Variants in TMEM106B observed in about 807,000 individuals in gnomAD.
The protein encoded by TMEM106B is transmembrane protein 106B.
TMEM106B carries 15 observed loss-of-function variants against 31.1 expected under a neutral mutation model. The ratio of observed to expected loss-of-function variants is 0.48; its 90% confidence interval spans 0.32 to 0.74. TMEM106B has a LOEUF of 0.74. TMEM106B is among the 30% of genes least tolerant of loss of function. The pLI, the probability that TMEM106B is intolerant of heterozygous loss-of-function variation, is 0.03. For synonymous variants in TMEM106B, 126 were observed against 112.5 expected, an observed-to-expected ratio of 1.12 and a Z score of -0.76; for missense variants, 283 against 327.3, an observed-to-expected ratio of 0.86 and a Z score of 1.04.
At chr7:12,231,526 CT>C in intron 7 of TMEM106B, 8 of 259,954 alleles carry the variant, frequency 3.1e-5, no homozygotes, top group Non-Finnish European at 5.0e-5. Flanking sequence ...TTTGATTAAC[CT>C]TTTTTTCTAT....
At chr7:12,223,872 C>T (rs1781839993) in intron 3 of TMEM106B, among the ~76,000 whole-genome samples, 1 of 151,976 alleles carries the variant, frequency 6.6e-6, no homozygotes, top group Non-Finnish European at 1.5e-5. Context: ...AGGCGCACAC[C>T]ACCACACCTG....
chr7:12,234,711 T>G lies in TMEM106B; in HGVS notation c.*2736T>G, dbSNP rs1378694695. 6.6e-6 allele frequency: 1 copy of G among 151,938 alleles called. No homozygotes were observed. The highest frequency in any genetic ancestry group is 1.5e-5 in the Non-Finnish European group (1 of 67,830). The allele number at this position is 151,938 out of a possible 1,614,324, so 9.4% of individuals were successfully genotyped here. A position where few individuals can be genotyped will look rare whatever the true frequency, so the allele number is the denominator to read the frequency against. ...GATACTTCCTGGAATAACTTTAAGT[T>G]ACACCCTAGTAGACTGGTCATTCTA... On this transcript the variant is annotated 3_prime_UTR_variant, in exon 8 of 8. Coordinates refer to ENST00000396668, the MANE Select transcript of TMEM106B (RefSeq NM_001134232.2).
At chr7:12,213,341 C>T (rs917655644) in intron 1 of TMEM106B, among the ~76,000 whole-genome samples, 1 of 151,634 alleles carries the variant, frequency 6.6e-6, no homozygotes, top group Non-Finnish European at 1.5e-5. Context: ...ATTGTTGTTG[C>T]GAGTGTTTAA....
In TMEM106B at chr7:12,224,306, T is replaced by C. The variant is rs1362541599; in HGVS notation, c.362T>C (p.Ile121Thr). The C allele has an allele frequency of 6.2e-7, 1 of 1,614,158 alleles. No individual in the cohort carries two copies. Among genetic ancestry groups the C allele is most frequent in the Non-Finnish European group, 8.5e-7 (1 of 1,180,000 alleles). ...GTGTTTTTCCTTTTCCCTCGCTCTA[T>C]CGACGTGAAATACATTGGTGTAAAA... Reference protein sequence around the residue: ...LAVFFLFPRSIDVKYIGVKSA... With the variant: ...LAVFFLFPRSTDVKYIGVKSA... Residue 121 changes from isoleucine (I) to threonine (T), a missense_variant, in exon 4 of 8, where the codon ATC becomes ACC. Coordinates refer to ENST00000396668, the MANE Select transcript of TMEM106B (RefSeq NM_001134232.2).
At position 12,242,726 on chromosome 7, in the gene TMEM106B, C is replaced by T. The variant is rs556050180; in HGVS notation, c.*10751C>T. The stretch of plus-strand genomic sequence containing the variant: ...ACTTTCAAAACATAACCTTCTTCAA[C>T]GAGTATCTTCTTTTCCTTCCTAAAA... On this transcript the variant is annotated 3_prime_UTR_variant, in exon 8 of 8. Coordinates refer to ENST00000396668, the MANE Select transcript of TMEM106B (RefSeq NM_001134232.2). The T allele has an allele frequency of 9.9e-5, 15 of 152,032 alleles. No homozygotes were observed. The highest frequency in any genetic ancestry group is 2.2e-4 in the African/African-American group (9 of 41,396). 9.4% of individuals were successfully genotyped at this position (152,032 alleles called of 1,614,324 possible). A position where few individuals can be genotyped will look rare whatever the true frequency, so the allele number is the denominator to read the frequency against.
rs188294100 is a variant in TMEM106B, at chr7:12,229,462, T to A, written c.442-217T>A. On this transcript the variant is annotated intron_variant, in intron 4 of 7. Transcript: ENST00000396668. ...TATTCTGAAGCTATACATTTTGTTT[T>A]TTTTAAATACTGAATTATGTTTTTA... Among the ~76,000 whole-genome samples the A allele has an allele frequency of 1.1e-3, 169 of 152,332 alleles. 1 individual carries two copies. Among genetic ancestry groups the A allele is most frequent in the Non-Finnish European group, 1.2e-3 (85 of 68,024 alleles).
intron 3 of TMEM106B, among the ~76,000 whole-genome samples, chr7:12,221,472 A>G (rs1446930536): frequency 6.6e-6 from 1 of 152,174 alleles, no homozygotes; most frequent in African/African-American, 2.4e-5. Flanking sequence ...AAGAAATTGA[A>G]TTTTCCACTT....
At chr7:12,217,707 G>A (rs775497714) in intron 2 of TMEM106B, among the ~76,000 whole-genome samples, 2 of 152,156 alleles carry the variant, frequency 1.3e-5, no homozygotes, top group Non-Finnish European at 2.9e-5. Context: ...GGGGAGCACA[G>A]ATGAGAGGAA....
chr7:12,212,168 G>C (rs536993941), intron 1 of TMEM106B, among the ~76,000 whole-genome samples: 1 of 152,312 alleles, frequency 6.6e-6, no homozygotes, highest in African/African-American at 2.4e-5. Context: ...GATTAGGACA[G>C]AAAACAGGCT....
intron 4 of TMEM106B, among the ~76,000 whole-genome samples, chr7:12,229,030 CTTTTA>C (rs1212288587): frequency 6.6e-6 from 1 of 151,776 alleles, no homozygotes; most frequent in African/African-American, 2.4e-5. Flanking sequence ...ACAAATATTT[CTTTTA>C]TTTATCATTT....
intron 4 of TMEM106B, among the ~76,000 whole-genome samples, chr7:12,225,629 A>G (rs575883248): frequency 4.2e-4 from 64 of 152,172 alleles, no homozygotes; most frequent in Non-Finnish European, 5.9e-4. Flanking sequence ...AGTGATGATG[A>G]GCATTTTTTC....
In TMEM106B at chr7:12,240,920, A is replaced by G. The variant is rs889255998; in HGVS notation, c.*8945A>G. ...GTGATAACTTACTGAGTGTGATTCA[A>G]CAAAACTGCTTTGGTTTATGGGTGA... is the stretch of plus-strand genomic sequence containing the variant. On this transcript the variant is annotated 3_prime_UTR_variant, in exon 8 of 8. Coordinates refer to ENST00000396668, the MANE Select transcript of TMEM106B (RefSeq NM_001134232.2). 3 of 152,182 alleles carry G rather than the reference A, an allele frequency of 2.0e-5. No individual in the cohort carries two copies. The highest frequency in any genetic ancestry group is 4.4e-5 in the Non-Finnish European group (3 of 68,028). The allele number at this position is 152,182 out of a possible 1,614,324, so 9.4% of individuals were successfully genotyped here.
chr7:12,230,631 T>G (rs1050305389), intron 6 of TMEM106B, 193 bp downstream of exon 6: 3 of 418,180 alleles, frequency 7.2e-6, no homozygotes, highest in African/African-American at 6.2e-5. Context: ...ACATAAAATT[T>G]GTTTTTTTAT....
intron 4 of TMEM106B, among the ~76,000 whole-genome samples, chr7:12,226,846 A>G (rs540768398): frequency 6.6e-6 from 1 of 152,310 alleles, no homozygotes; most frequent in African/African-American, 2.4e-5. Context: ...AAATTGTTTT[A>G]TGCAACTGGG....
Position 12,236,365 on chromosome 7 carries a change from C to T in TMEM106B, c.*4390C>T, listed in dbSNP as rs1782134918. ...TAGTTATTTGTACAAGTATTTATCACAGACTCTAAATTGAAAAATGTAGTA... is the reference window on the plus strand; with the variant it reads ...TAGTTATTTGTACAAGTATTTATCATAGACTCTAAATTGAAAAATGTAGTA... On this transcript the variant is annotated 3_prime_UTR_variant, in exon 8 of 8. Transcript: ENST00000396668. The T allele has an allele frequency of 1.3e-5, 2 of 151,998 alleles. No homozygotes were observed. Among genetic ancestry groups the T allele is most frequent in the South Asian group, 4.1e-4 (2 of 4,830 alleles). 9.4% of individuals were successfully genotyped at this position (151,998 alleles called of 1,614,324 possible). A position where few individuals can be genotyped will look rare whatever the true frequency, so the allele number is the denominator to read the frequency against.
At chr7:12,221,087 A>AGTGTGTGTGTGT (rs71027479) in intron 3 of TMEM106B, among the ~76,000 whole-genome samples, 9,655 of 149,992 alleles carry the variant, frequency 0.064, 366 homozygotes, top group Middle Eastern at 0.1. Context: ...AAGCAAGTAA[A>AGTGTGTGTGTGT]GTGTGTGTGT....
chr7:12,212,811 G>A (rs1562701255), intron 1 of TMEM106B, among the ~76,000 whole-genome samples: 1 of 152,116 alleles, frequency 6.6e-6, no homozygotes, highest in Non-Finnish European at 1.5e-5. Context: ...ACTCTAGGAT[G>A]AACTGACTTA....
chr7:12,226,493 T>C (rs17165750), intron 4 of TMEM106B, among the ~76,000 whole-genome samples: 19,470 of 152,104 alleles, frequency 0.13, 1,409 homozygotes, highest in African/African-American at 0.2. Context: ...AGGGATAATA[T>C]TTATTGGCCA....
rs964146348 is a variant in TMEM106B, at chr7:12,238,279, T to A, written c.*6304T>A. Reference sequence around the variant, plus strand: ...TCATAAGAAACAATTCCTCATCTGTTCAAGTTTTGGCATCAAGTTGTAGCA... The same window carrying A: ...TCATAAGAAACAATTCCTCATCTGTACAAGTTTTGGCATCAAGTTGTAGCA... On this transcript the variant is annotated 3_prime_UTR_variant, in exon 8 of 8. Transcript: ENST00000396668. 6.4e-6 allele frequency: 1 copy of A among 156,214 alleles called. No homozygotes were observed. Among genetic ancestry groups the A allele is most frequent in the African/African-American group, 2.4e-5 (1 of 41,526 alleles). 9.7% of individuals were successfully genotyped at this position (156,214 alleles called of 1,614,324 possible). A position where few individuals can be genotyped will look rare whatever the true frequency, so the allele number is the denominator to read the frequency against.
Sources: gnomAD v4.1 joint callset for allele counts (sites outside exome capture counted in the v4.1 genomes callset) on GRCh38, gnomAD v4.1.1 for gene constraint, MANE v1.5 for transcripts, NCBI Gene and HGNC (gene_info 2026-07-23, HGNC 2026-07-21) for gene names.